The following NTNG1 variants were observed in gnomAD, a reference collection of about 807,000 sequenced individuals.
NTNG1 encodes the protein netrin G1.
Under a neutral mutation model 54.0 loss-of-function variants are expected in NTNG1, and 16 were observed. The observed-to-expected ratio is 0.30, with a 90% CI of 0.20 to 0.45. The LOEUF is 0.45. Ranked by LOEUF, NTNG1 falls within the 20% of genes least tolerant of loss-of-function variation. The pLI, the probability that NTNG1 is intolerant of heterozygous loss-of-function variation, is 1.00. For synonymous variants in NTNG1, 255 were observed against 263.1 expected (o/e 0.97, Z 0.30); for missense variants, 530 against 678.7 (o/e 0.78, Z 2.43).
At chr1:107,327,262 T>C (rs1316689361) in intron 3 of NTNG1, among the ~76,000 whole-genome samples, 1 of 152,030 alleles carries the variant, frequency 6.6e-6, no homozygotes, top group African/African-American at 2.4e-5. Flanking sequence ...GTATTTTTAG[T>C]CTTAGGGGAG....
chr1:107,300,126 A>G (rs973226818), intron 2 of NTNG1, among the ~76,000 whole-genome samples: 5 of 152,152 alleles, frequency 3.3e-5, no homozygotes, highest in Admixed American at 3.3e-4. Context: ...ATTTGCCCCT[A>G]AAGCCCCATC....
chr1:107,359,764 C>T (rs1670151581), intron 3 of NTNG1, among the ~76,000 whole-genome samples: 1 of 151,940 alleles, frequency 6.6e-6, no homozygotes, highest in Non-Finnish European at 1.5e-5. Context: ...TGAGTGCATA[C>T]ACCGTGCTAA....
intron 7 of NTNG1, among the ~76,000 whole-genome samples, chr1:107,448,774 AT>A (rs1676448313): frequency 1.3e-5 from 2 of 152,078 alleles, no homozygotes; most frequent in Non-Finnish European, 2.9e-5. Flanking sequence ...ATCAATTTTT[AT>A]GTATTCTACG....
At chr1:107,468,656 C>T (rs918440052) in intron 7 of NTNG1, among the ~76,000 whole-genome samples, 2 of 152,188 alleles carry the variant, frequency 1.3e-5, no homozygotes, top group Non-Finnish European at 2.9e-5. Context: ...TTCCTTTACC[C>T]TATGTTCCAA....
rs558502344 is a variant in NTNG1 at position 107,186,762 on chromosome 1, T to C, written c.246+37923T>C. Among the ~76,000 whole-genome samples, 6 of 152,252 alleles carry C rather than the reference T, an allele frequency of 3.9e-5. No individual in the cohort carries two copies. The South Asian group carries it at 1.2e-3, about 32-fold the overall frequency. ...ATTTTGCACACTCTAAGTTTCATCT[T>C]AAATGTTATCTCTTTAGACAATAAT... On this transcript the variant is annotated intron_variant, in intron 2 of 7. Coordinates refer to ENST00000370068, the MANE Select transcript of NTNG1 (RefSeq NM_001113226.3).
chr1:107,289,163 T>A (rs1341273120), intron 2 of NTNG1, among the ~76,000 whole-genome samples: 1 of 152,180 alleles, frequency 6.6e-6, no homozygotes, highest in Non-Finnish European at 1.5e-5. Flanking sequence ...ATACGTGCTC[T>A]GAATATCCTG....
chr1:107,248,979 T>C (rs1302787863), intron 2 of NTNG1, among the ~76,000 whole-genome samples: 1 of 145,120 alleles, frequency 6.9e-6, no homozygotes, highest in African/African-American at 2.6e-5. Flanking sequence ...TGAAACTCTG[T>C]CTCTACTAAA....
chr1:107,467,815 C>T (rs1013474443), intron 7 of NTNG1, among the ~76,000 whole-genome samples: 1 of 152,168 alleles, frequency 6.6e-6, no homozygotes, highest in African/African-American at 2.4e-5. Flanking sequence ...GTTTGGTCTC[C>T]AGTGCAGTAG....
chr1:107,433,373 A>T (rs1252497551), intron 6 of NTNG1, among the ~76,000 whole-genome samples: 1 of 152,100 alleles, frequency 6.6e-6, no homozygotes, highest in African/African-American at 2.4e-5. Context: ...GTGAAACCAC[A>T]TCTCTACTGA....
chr1:107,155,922 G>A (rs1012935483), intron 2 of NTNG1, among the ~76,000 whole-genome samples: 2 of 152,142 alleles, frequency 1.3e-5, no homozygotes, highest in African/African-American at 4.8e-5. Flanking sequence ...TTAACATCAT[G>A]TTATAGTTTC....
chr1:107,215,399 C>G (rs538072727), intron 2 of NTNG1, among the ~76,000 whole-genome samples: 1 of 152,116 alleles, frequency 6.6e-6, no homozygotes, highest in Non-Finnish European at 1.5e-5. Context: ...GTGTCCTTCC[C>G]CCACTTTGTT....
intron 3 of NTNG1, among the ~76,000 whole-genome samples, chr1:107,394,254 C>G (rs1437073440): frequency 6.6e-6 from 1 of 152,162 alleles, no homozygotes; most frequent in Non-Finnish European, 1.5e-5. Flanking sequence ...TATCCTGCTG[C>G]CTCAACAAAT....
chr1:107,403,892 ATCCCT>A (rs1388179836), intron 4 of NTNG1, among the ~76,000 whole-genome samples: 1 of 151,778 alleles, frequency 6.6e-6, no homozygotes, highest in African/African-American at 2.4e-5. Flanking sequence ...GATGTCTTAA[ATCCCT>A]TTCAGCTTTC....
At chr1:107,419,393 C>T (rs1015028737) in intron 5 of NTNG1, among the ~76,000 whole-genome samples, 5 of 146,692 alleles carry the variant, frequency 3.4e-5, no homozygotes, top group African/African-American at 1.3e-4. Flanking sequence ...TATTTTCTGA[C>T]TCCTAATGTC....
chr1:107,327,113 A>C (rs1039983442), intron 3 of NTNG1, among the ~76,000 whole-genome samples: 6 of 152,138 alleles, frequency 3.9e-5, no homozygotes, highest in African/African-American at 1.4e-4. Flanking sequence ...GCTGAAGAGA[A>C]GCAGCTGGGC....
chr1:107,387,644 C>G (rs997636787), intron 3 of NTNG1, among the ~76,000 whole-genome samples: 27 of 152,160 alleles, frequency 1.8e-4, no homozygotes, highest in African/African-American at 6.3e-4. Context: ...GTTCTAATCT[C>G]AGAGAGAGTA....
At chr1:107,181,630 C>T (rs145423362) in intron 2 of NTNG1, among the ~76,000 whole-genome samples, 1 of 137,870 alleles carries the variant, frequency 7.3e-6, no homozygotes, top group Non-Finnish European at 1.6e-5. Context: ...ACTCCATTAA[C>T]TCGGTGAAGG....
intron 7 of NTNG1, among the ~76,000 whole-genome samples, chr1:107,454,335 A>G (rs1676801423): frequency 6.6e-6 from 1 of 152,202 alleles, no homozygotes; most frequent in East Asian, 1.9e-4. Context: ...GCACCCATGC[A>G]TACTTTGCAC....
intron 3 of NTNG1, among the ~76,000 whole-genome samples, chr1:107,350,921 A>G (rs912224933): frequency 5.9e-5 from 9 of 152,190 alleles, no homozygotes; most frequent in African/African-American, 2.2e-4. Context: ...GAGCTAATGT[A>G]CAGCATGGTG....
Sources: gnomAD v4.1 joint callset for allele counts (sites outside exome capture counted in the v4.1 genomes callset) on GRCh38, gnomAD v4.1.1 for gene constraint, MANE v1.5 for transcripts, NCBI Gene and HGNC (gene_info 2026-07-23, HGNC 2026-07-21) for gene names.